Variants in NRXN3 observed in about 807,000 individuals in gnomAD.
NRXN3 encodes neurexin III.
Under a neutral mutation model 137.6 loss-of-function variants are expected in NRXN3, and 32 were observed. That is an observed-to-expected ratio of 0.23 (90% CI 0.18 to 0.31). The LOEUF is 0.31. Ranked by LOEUF, NRXN3 falls within the 10% of genes least tolerant of loss-of-function variation. The pLI is 1.00. For missense variants in NRXN3, 1,574 were observed against 2,062.5 expected (o/e 0.76, Z 4.59); for synonymous variants, 798 against 784.5 (o/e 1.02, Z -0.29).
At chr14:78,380,081 T>G in intron 4 of NRXN3, among the ~76,000 whole-genome samples, 1 of 151,890 alleles carries the variant, frequency 6.6e-6, no homozygotes, top group Admixed American at 6.6e-5. Context: ...AAATAAAATC[T>G]AAAAGAAATA....
intron 14 of NRXN3, among the ~76,000 whole-genome samples, chr14:78,985,886 T>C (rs1426429653): frequency 6.6e-6 from 1 of 152,158 alleles, no homozygotes; most frequent in Non-Finnish European, 1.5e-5. Flanking sequence ...ACCACATACC[T>C]CCTTTCATCT....
intron 16 of NRXN3, among the ~76,000 whole-genome samples, chr14:79,659,898 G>C (rs1303958468): frequency 6.6e-6 from 1 of 152,022 alleles, no homozygotes; most frequent in Non-Finnish European, 1.5e-5. Context: ...TCAAATGATG[G>C]GTGGTTCCTT....
At chr14:79,800,700 T>C (rs2099175615) in intron 19 of NRXN3, among the ~76,000 whole-genome samples, 1 of 152,176 alleles carries the variant, frequency 6.6e-6, no homozygotes, top group African/African-American at 2.4e-5. Flanking sequence ...GTGCCTTTTC[T>C]TTCAAGGTTC....
At chr14:79,849,751 G>A (rs2099387867) in intron 20 of NRXN3, among the ~76,000 whole-genome samples, 1 of 152,190 alleles carries the variant, frequency 6.6e-6, no homozygotes, top group Admixed American at 6.5e-5. Context: ...CCTTTTCTGA[G>A]TATATACCCA....
chr14:79,341,418 A>G (rs2153364532), intron 15 of NRXN3, among the ~76,000 whole-genome samples: 1 of 152,172 alleles, frequency 6.6e-6, no homozygotes, highest in South Asian at 2.1e-4. Context: ...GATCCACAAA[A>G]CCAGCAGCAG....
chr14:79,017,417 A>G (rs1431275303), intron 15 of NRXN3, among the ~76,000 whole-genome samples: 2 of 151,344 alleles, frequency 1.3e-5, no homozygotes, highest in African/African-American at 4.9e-5. Context: ...CATCTCATCC[A>G]TTCCCTCCTC....
At chr14:78,362,365 G>T (rs1253432117) in intron 4 of NRXN3, among the ~76,000 whole-genome samples, 1 of 151,776 alleles carries the variant, frequency 6.6e-6, no homozygotes, top group Non-Finnish European at 1.5e-5. Flanking sequence ...GGGAACTAGA[G>T]ATACGCATAT....
At chr14:79,042,598 T>C (rs1444969527) in intron 15 of NRXN3, among the ~76,000 whole-genome samples, 1 of 152,230 alleles carries the variant, frequency 6.6e-6, no homozygotes, top group African/African-American at 2.4e-5. Flanking sequence ...TTAATATGTG[T>C]AATAAATAGA....
chr14:78,265,223 A>G (rs183043394), intron 2 of NRXN3, among the ~76,000 whole-genome samples: 1 of 152,232 alleles, frequency 6.6e-6, no homozygotes, highest in Non-Finnish European at 1.5e-5. Flanking sequence ...TTTGCTTTAC[A>G]ATTTTTTTTC....
intron 10 of NRXN3, among the ~76,000 whole-genome samples, chr14:78,918,054 G>A (rs1185092410): frequency 6.7e-6 from 1 of 149,596 alleles, no homozygotes; most frequent in African/African-American, 2.5e-5. Flanking sequence ...GGGAGGCCAA[G>A]GCAGGCAGAT....
At position 79,387,805 on chromosome 14, in the gene NRXN3, C is replaced by G. The variant is rs189109981; in HGVS notation, c.3263-79416C>G. 9.3e-3 allele frequency among the ~76,000 whole-genome samples: 1,412 copies of G among 151,818 alleles called. 22 individuals are homozygous for G. Among genetic ancestry groups the G allele is most frequent in the Admixed American group, 0.037 (570 of 15,224 alleles). ...AAGGATGAGTTCATGTCCTTTGTAG[C>G]GACATGGATGAAGCTGGAAACCATC... On this transcript the variant is annotated intron_variant, in intron 15 of 20. Coordinates refer to ENST00000335750, the MANE Select transcript of NRXN3 (RefSeq NM_001330195.2).
intron 16 of NRXN3, among the ~76,000 whole-genome samples, chr14:79,585,816 G>T (rs528234292): frequency 6.6e-6 from 1 of 151,986 alleles, no homozygotes; most frequent in Non-Finnish European, 1.5e-5. Context: ...CCTGGATATG[G>T]TGGAGAGCAT....
At chr14:79,317,606 A>T (rs1341908604) in intron 15 of NRXN3, among the ~76,000 whole-genome samples, 4 of 152,284 alleles carry the variant, frequency 2.6e-5, no homozygotes, top group African/African-American at 9.6e-5. Context: ...GGAGAGACAC[A>T]ATTCAACTCA....
At chr14:79,705,032 C>T (rs1327410790) in intron 19 of NRXN3, among the ~76,000 whole-genome samples, 1 of 152,074 alleles carries the variant, frequency 6.6e-6, no homozygotes, top group Non-Finnish European at 1.5e-5. Flanking sequence ...ATGAAAGGGT[C>T]CTGAGGGCAG....
chr14:79,715,915 T>C (rs2098822164), intron 19 of NRXN3, among the ~76,000 whole-genome samples: 1 of 152,236 alleles, frequency 6.6e-6, no homozygotes, highest in African/African-American at 2.4e-5. Flanking sequence ...GTAGGGATCA[T>C]ACTGTATCGC....
intron 15 of NRXN3, among the ~76,000 whole-genome samples, chr14:79,093,778 T>C (rs2049678053): frequency 6.8e-6 from 1 of 147,882 alleles, no homozygotes; most frequent in Admixed American, 6.9e-5. Context: ...GAGACAATTG[T>C]GCCTGAGGCT....
At chr14:79,479,281 A>G (rs2153635321) in intron 16 of NRXN3, among the ~76,000 whole-genome samples, 2 of 152,010 alleles carry the variant, frequency 1.3e-5, no homozygotes, top group Middle Eastern at 3.4e-3. Flanking sequence ...TGTTTTTTTA[A>G]TTGTCCAGGC....
At chr14:79,790,954 C>T (rs184235734) in intron 19 of NRXN3, among the ~76,000 whole-genome samples, 1 of 152,154 alleles carries the variant, frequency 6.6e-6, no homozygotes, top group East Asian at 1.9e-4. Flanking sequence ...CGGTCCAGCT[C>T]AGACTCTTTT....
intron 15 of NRXN3, among the ~76,000 whole-genome samples, chr14:79,063,129 G>T (rs998068055): frequency 6.6e-6 from 1 of 151,974 alleles, no homozygotes; most frequent in Non-Finnish European, 1.5e-5. Context: ...AATAGATTTT[G>T]GTTTGAATGA....
Sources: allele counts gnomAD v4.1 joint callset (sites outside exome capture counted in the v4.1 genomes callset), GRCh38; gene constraint gnomAD v4.1.1; transcripts MANE v1.5; gene names NCBI Gene and HGNC (gene_info 2026-07-23, HGNC 2026-07-21).